ATP13A4: variants seen among roughly 807,000 people sequenced by gnomAD.
The protein encoded by ATP13A4 is probable cation-transporting ATPase 13A4.
A neutral mutation model predicts 142.5 loss-of-function variants in ATP13A4; 114 were observed. That is an observed-to-expected ratio of 0.80 (90% CI 0.69 to 0.93). The LOEUF is 0.93. ATP13A4 is among the 40% of genes least tolerant of loss of function. ATP13A4 has a pLI of 0.00. For missense variants in ATP13A4, 1,392 were observed against 1,454.0 expected (o/e 0.96, Z 0.69); for synonymous variants, 488 against 514.8 (o/e 0.95, Z 0.70).
At chr3:193,570,228 G>C (rs111683588) in intron 2 of ATP13A4, among the ~76,000 whole-genome samples, 2 of 152,116 alleles carry the variant, frequency 1.3e-5, no homozygotes, top group African/African-American at 4.8e-5. Flanking sequence ...TGGGAGGATT[G>C]CTTGAGCCCA....
chr3:193,593,004 C>G (rs1320315308), intron 1 of ATP13A4: 1 of 262,980 alleles, frequency 3.8e-6, no homozygotes, highest in East Asian at 6.9e-5. Flanking sequence ...GCTCCCTCCC[C>G]TGGCCAAATC....
At chr3:193,592,127 G>A (rs1331254607) in intron 1 of ATP13A4, among the ~76,000 whole-genome samples, 1 of 126,200 alleles carries the variant, frequency 7.9e-6, no homozygotes, top group Non-Finnish European at 1.6e-5. Flanking sequence ...ATTTGTGTAT[G>A]TGTGTGGCAT....
chr3:193,529,356 T>C (rs1722193526), intron 1 of ATP13A4, among the ~76,000 whole-genome samples: 1 of 152,050 alleles, frequency 6.6e-6, no homozygotes, highest in Admixed American at 6.6e-5. Context: ...ATCCATTAAG[T>C]TGTACATAAA....
intron 29 of ATP13A4, among the ~76,000 whole-genome samples, 176 bp downstream of exon 29, chr3:193,407,137 G>A (rs542478560): frequency 7.2e-5 from 11 of 152,170 alleles, no homozygotes; most frequent in South Asian, 6.2e-4. Flanking sequence ...GAAAACTAAC[G>A]TCCTGCTTGG....
intron 3 of ATP13A4, among the ~76,000 whole-genome samples, 187 bp from the exon 4 acceptor site, chr3:193,493,347 C>G (rs182923022): frequency 1.8e-4 from 27 of 152,182 alleles, no homozygotes; most frequent in Admixed American, 3.9e-4. Flanking sequence ...TATTAGAAGT[C>G]ATCATTCAAT....
chr3:193,510,703 T>G (rs1721098299), intron 2 of ATP13A4, among the ~76,000 whole-genome samples: 1 of 152,172 alleles, frequency 6.6e-6, no homozygotes, highest in Non-Finnish European at 1.5e-5. Context: ...ACTGTAGACT[T>G]TCAGTCAGTA....
intron 6 of ATP13A4, among the ~76,000 whole-genome samples, chr3:193,490,124 G>A (rs1719867177): frequency 6.6e-6 from 1 of 152,142 alleles, no homozygotes; most frequent in Non-Finnish European, 1.5e-5. Flanking sequence ...CTGAAACTTA[G>A]AGCTTGAGAA....
intron 25 of ATP13A4, among the ~76,000 whole-genome samples, chr3:193,428,837 T>C (rs1715817232): frequency 1.3e-5 from 2 of 150,908 alleles, no homozygotes; most frequent in African/African-American, 2.4e-5. Flanking sequence ...ATATACCTAA[T>C]GTAAAGGACG....
rs1247607021 is a variant in ATP13A4, at chr3:193,399,286, G to A, written c.*3366C>T. 6.6e-6 allele frequency among the ~76,000 whole-genome samples: 1 copy of A among 152,102 alleles called. No homozygotes were observed. The highest frequency in any genetic ancestry group is 1.5e-5 in the Non-Finnish European group (1 of 68,026). The stretch of plus-strand genomic sequence containing the variant: ...AGGTTGCTCCGCCCTCAAGTTTAGG[G>A]CACTCTCCCACGCTCTTTCATGCAA... On this transcript the variant is annotated 3_prime_UTR_variant, in exon 30 of 30. Transcript: ENST00000342695.
rs953887129 is a variant in ATP13A4, at chr3:193,438,899, T to A, written c.2562+124A>T. ...GTAAATGGTATATATGCCAGGAGTA[T>A]ACCTCTAAAGGGCTCGAGTATAAAT... On this transcript the variant is annotated intron_variant, in intron 22 of 29. Transcript: ENST00000342695. 3.8e-6 allele frequency: 4 copies of A among 1,053,282 alleles called. No homozygotes were observed. The Admixed American group carries it at 6.8e-5, about 18-fold the overall frequency. The allele number at this position is 1,053,282 out of a possible 1,614,324, so 65.2% of individuals were successfully genotyped here. A position where few individuals can be genotyped will look rare whatever the true frequency, so the allele number is the denominator to read the frequency against.
Position 193,442,461 on chromosome 3 carries a change from C to T in ATP13A4, c.2248G>A (p.Gly750Arg), listed in dbSNP as rs143770329. The T allele has an allele frequency of 2.2e-5, 36 of 1,613,872 alleles. No homozygotes were observed. The highest frequency in any genetic ancestry group is 2.5e-5 in the Non-Finnish European group (30 of 1,179,906). ...CAAGATATAGATGCTGATGAGGACCCGGTGGTTTCATTTGCCTCAATGAGA... is the reference window on the plus strand; with the variant it reads ...CAAGATATAGATGCTGATGAGGACCTGGTGGTTTCATTTGCCTCAATGAGA... ...VILIEANETT[G>R]SSSASISWTL... The change falls in exon 19 of 30, where the codon GGG becomes AGG. Residue 750 changes from glycine to arginine, a missense_variant. Transcript: ENST00000342695.
chr3:193,573,290 C>CTTATATATATATATATATATAT lies in ATP13A4; in HGVS notation n.291+8416_291+8417insATATATATATATATATATATAA, dbSNP rs1279066051. ...ATATATATATACATATATATATATA[C>CTTATATATATATATATATATAT]ACATATATATATATATACATATATA... On this transcript the variant is annotated intron_variant and non_coding_transcript_variant, in intron 2 of 3. Transcript: ENST00000489140. 5.1e-4 allele frequency among the ~76,000 whole-genome samples: 56 copies of CTTATATATATATATATATATAT among 109,960 alleles called. 1 individual carries two copies. The highest frequency in any genetic ancestry group is 2.4e-3 in the African/African-American group (55 of 22,684). 72.1% of individuals were successfully genotyped at this position (109,960 alleles called of 152,430 possible). A position where few individuals can be genotyped will look rare whatever the true frequency, so the allele number is the denominator to read the frequency against.
intron 1 of ATP13A4, among the ~76,000 whole-genome samples, chr3:193,591,910 C>T (rs1467789453): frequency 1.3e-5 from 2 of 152,110 alleles, no homozygotes; most frequent in African/African-American, 4.8e-5. Flanking sequence ...GGAAGATCTA[C>T]AGTTTGCACA....
At chr3:193,405,819 G>T (rs1184057672) in intron 29 of ATP13A4, among the ~76,000 whole-genome samples, 1 of 152,122 alleles carries the variant, frequency 6.6e-6, no homozygotes, top group South Asian at 2.1e-4. Flanking sequence ...TGCTGTAGAG[G>T]ATGGAATAGC....
chr3:193,538,892 CTTTTTTTT>C (rs67132373), intron 1 of ATP13A4, among the ~76,000 whole-genome samples: 1 of 120,856 alleles, frequency 8.3e-6, no homozygotes. Flanking sequence ...TTGGTTTTTT[CTTTTTTTT>C]TTTTTTTTTT....
chr3:193,477,640 A>G (rs957461137), intron 8 of ATP13A4, among the ~76,000 whole-genome samples: 3 of 152,122 alleles, frequency 2.0e-5, no homozygotes, highest in Non-Finnish European at 4.4e-5. Flanking sequence ...GGTGTTCTAC[A>G]TTTGCCACGC....
chr3:193,433,328 T>C (rs1716082799), intron 25 of ATP13A4, among the ~76,000 whole-genome samples: 2 of 152,040 alleles, frequency 1.3e-5, no homozygotes, highest in African/African-American at 4.8e-5. Context: ...TAAAAAAGAA[T>C]AAAGTCAAAA....
At chr3:193,493,800 T>A (rs1720078043) in intron 3 of ATP13A4, among the ~76,000 whole-genome samples, 1 of 152,076 alleles carries the variant, frequency 6.6e-6, no homozygotes, top group Non-Finnish European at 1.5e-5. Flanking sequence ...TGAGGCTACA[T>A]AAGTCCTCGG....
intron 2 of ATP13A4, among the ~76,000 whole-genome samples, chr3:193,510,343 C>G (rs1721078938): frequency 6.6e-6 from 1 of 152,140 alleles, no homozygotes; most frequent in Non-Finnish European, 1.5e-5. Flanking sequence ...ACGGAAGTGC[C>G]TTGAGTCAGG....
Sources: allele counts gnomAD v4.1 joint callset (sites outside exome capture counted in the v4.1 genomes callset), GRCh38; gene constraint gnomAD v4.1.1; transcripts MANE v1.5; gene names NCBI Gene and HGNC (gene_info 2026-07-23, HGNC 2026-07-21).